The following ZNF618 variants were observed in gnomAD, a reference collection of about 807,000 sequenced individuals.
ZNF618 encodes the protein zinc finger protein 618.
Under a neutral mutation model 103.0 loss-of-function variants are expected in ZNF618, and 34 were observed. That is an observed-to-expected ratio of 0.33 (90% CI 0.25 to 0.44). The LOEUF (loss-of-function observed/expected upper bound fraction) is 0.44, where lower values mean the gene tolerates loss of function less well. Ranked by LOEUF, ZNF618 falls within the 20% of genes least tolerant of loss-of-function variation. The pLI, the probability that ZNF618 is intolerant of heterozygous loss-of-function variation, is 1.00. For missense variants in ZNF618, 1,059 were observed against 1,295.4 expected, an observed-to-expected ratio of 0.82 and a Z score of 2.80; for synonymous variants, 551 against 542.2, an observed-to-expected ratio of 1.02 and a Z score of -0.23.
At chr9:113,879,610 G>C (rs1006205428) in intron 1 of ZNF618, among the ~76,000 whole-genome samples, 2 of 151,752 alleles carry the variant, frequency 1.3e-5, no homozygotes, top group Non-Finnish European at 2.9e-5. Context: ...ATTTTTATTA[G>C]CTCCTGTCTG....
chr9:113,888,717 T>C (rs151093137), intron 1 of ZNF618, among the ~76,000 whole-genome samples: 80 of 152,284 alleles, frequency 5.3e-4, no homozygotes, highest in African/African-American at 1.9e-3. Context: ...CGCTTTCCAG[T>C]CTCGGGTACA....
intron 10 of ZNF618, among the ~76,000 whole-genome samples, chr9:114,025,444 C>T (rs1353782913): frequency 6.6e-6 from 1 of 152,252 alleles, no homozygotes; most frequent in East Asian, 1.9e-4. Context: ...AAGGAGACCA[C>T]AGTGCTCTGT....
chr9:113,957,864 A>G (rs1564217234), intron 1 of ZNF618, among the ~76,000 whole-genome samples: 1 of 150,154 alleles, frequency 6.7e-6, no homozygotes, highest in African/African-American at 2.5e-5. Flanking sequence ...AATATTTATC[A>G]CATATTTAAT....
chr9:113,918,802 C>T (rs544712681), intron 1 of ZNF618, among the ~76,000 whole-genome samples: 9 of 152,152 alleles, frequency 5.9e-5, no homozygotes, highest in African/African-American at 1.7e-4. Context: ...TCTTGCACCC[C>T]GGCCCTGGAA....
At chr9:113,949,617 G>T (rs921532702) in intron 1 of ZNF618, among the ~76,000 whole-genome samples, 7 of 152,150 alleles carry the variant, frequency 4.6e-5, no homozygotes, top group African/African-American at 1.7e-4. Flanking sequence ...GTCCCCAGGG[G>T]TTGTATGCTC....
intron 13 of ZNF618, 82 bp from the exon 14 acceptor site, chr9:114,047,811 C>A: frequency 1.6e-6 from 2 of 1,223,838 alleles, no homozygotes; most frequent in Non-Finnish European, 2.3e-6. Flanking sequence ...CTGCTGTTAC[C>A]CACCACACTC....
At chr9:113,986,443 C>T (rs964461309) in intron 2 of ZNF618, among the ~76,000 whole-genome samples, 7 of 152,202 alleles carry the variant, frequency 4.6e-5, no homozygotes, top group Non-Finnish European at 8.8e-5. Context: ...AATTAAACAA[C>T]AGAAATGTAT....
chr9:114,005,999 C>T (rs1280775365), intron 6 of ZNF618, among the ~76,000 whole-genome samples: 1 of 152,190 alleles, frequency 6.6e-6, no homozygotes, highest in Non-Finnish European at 1.5e-5. Context: ...TGGCTCCTTG[C>T]TCAGGGACCA....
At chr9:113,909,101 C>A (rs1163352056) in intron 1 of ZNF618, among the ~76,000 whole-genome samples, 5 of 151,970 alleles carry the variant, frequency 3.3e-5, no homozygotes, top group Admixed American at 6.5e-5. Context: ...TGCCCCTCGG[C>A]TGCTGTGGGA....
intron 1 of ZNF618, among the ~76,000 whole-genome samples, chr9:113,884,807 A>G (rs1031155750): frequency 2.6e-5 from 4 of 151,706 alleles, no homozygotes; most frequent in Non-Finnish European, 5.9e-5. Context: ...AGAGAGAGAG[A>G]GAGAGACAGA....
intron 1 of ZNF618, among the ~76,000 whole-genome samples, chr9:113,915,509 T>C (rs1247611665): frequency 2.0e-5 from 3 of 152,060 alleles, no homozygotes; most frequent in Admixed American, 6.6e-5. Flanking sequence ...TAGTTAATGC[T>C]GAGATTGGTA....
At chr9:113,960,253 C>A (rs371997571) in intron 1 of ZNF618, among the ~76,000 whole-genome samples, 22 of 152,330 alleles carry the variant, frequency 1.4e-4, no homozygotes, top group African/African-American at 5.1e-4. Flanking sequence ...TGGAAGGGGA[C>A]AGTGGGCTCT....
At chr9:113,898,776 G>A (rs777801151) in intron 1 of ZNF618, among the ~76,000 whole-genome samples, 2 of 152,310 alleles carry the variant, frequency 1.3e-5, no homozygotes, top group African/African-American at 4.8e-5. Context: ...GCAGCCCGGG[G>A]TTAATGAGGT....
intron 3 of ZNF618, among the ~76,000 whole-genome samples, chr9:113,995,715 G>A (rs1840519100): frequency 6.6e-6 from 1 of 152,128 alleles, no homozygotes; most frequent in Non-Finnish European, 1.5e-5. Flanking sequence ...TAATTTTGTT[G>A]AGAGCAGAGA....
chr9:113,906,077 A>G (rs1830963994), intron 1 of ZNF618, among the ~76,000 whole-genome samples: 1 of 152,156 alleles, frequency 6.6e-6, no homozygotes, highest in Non-Finnish European at 1.5e-5. Flanking sequence ...CTCCGTCATG[A>G]CTAGAAGCCA....
chr9:114,025,658 C>T (rs780258003), intron 10 of ZNF618, among the ~76,000 whole-genome samples: 1 of 152,128 alleles, frequency 6.6e-6, no homozygotes, highest in Non-Finnish European at 1.5e-5. Flanking sequence ...GATCCTGGCC[C>T]AGCCCAACCC....
chr9:113,984,942 A>G (rs1405706248), intron 2 of ZNF618, among the ~76,000 whole-genome samples: 2 of 152,198 alleles, frequency 1.3e-5, no homozygotes, highest in Non-Finnish European at 2.9e-5. Flanking sequence ...GCTGGCATTC[A>G]AACCCTGGTT....
chr9:114,046,113 A>G (rs1845624714), intron 13 of ZNF618, among the ~76,000 whole-genome samples: 1 of 152,004 alleles, frequency 6.6e-6, no homozygotes, highest in Non-Finnish European at 1.5e-5. Flanking sequence ...ATTGTTTTGT[A>G]TGTATGTGGA....
In ZNF618 at chr9:114,049,389, C is replaced by T. The variant is rs1251566508; in HGVS notation, c.2087C>T (p.Ser696Leu). The T allele has an allele frequency of 1.9e-6, 3 of 1,603,764 alleles. No homozygotes were observed. Among genetic ancestry groups the T allele is most frequent in the Non-Finnish European group, 2.6e-6 (3 of 1,175,538 alleles). ...EETSPPPCWN[S>L]VTDSLLLVHE... ...ACGTCTCCACCACCCTGCTGGAACT[C>T]GGTGACGGACTCACTGTTGCTGGTG... Residue 696 changes from serine (S) to leucine (L), a missense_variant, in exon 15 of 15, where the codon TCG becomes TTG. By Grantham distance (145) the Ser-to-Leu change is moderately radical (BLOSUM62 -2). This residue lies in a region of ZNF618 where 272 missense variants were observed against 380.1 expected (regional missense o/e 0.72). Transcript: ENST00000374126.
Sources: gnomAD v4.1 joint callset for allele counts (sites outside exome capture counted in the v4.1 genomes callset) on GRCh38, gnomAD v4.1.1 for gene constraint, gnomAD v4.1.1 regional missense constraint, MANE v1.5 for transcripts, NCBI Gene and HGNC (gene_info 2026-07-23, HGNC 2026-07-21) for gene names.